Variants in PTPRM observed in about 807,000 individuals in gnomAD.
The protein encoded by PTPRM is protein tyrosine phosphatase receptor type M.
A neutral mutation model predicts 186.7 loss-of-function variants in PTPRM; 47 were observed. That is an observed-to-expected ratio of 0.25 (90% CI 0.20 to 0.32). The LOEUF (loss-of-function observed/expected upper bound fraction) is 0.32, where lower values mean the gene tolerates loss of function less well. Ranked by LOEUF, PTPRM falls within the 10% of genes least tolerant of loss-of-function variation. The probability of loss-of-function intolerance (pLI) is 1.00; values close to 1 mark genes in which losing one functional copy is unlikely to be tolerated. For synonymous variants in PTPRM, 668 were observed against 674.9 expected (o/e 0.99, Z 0.16); for missense variants, 1,494 against 1,865.0 (o/e 0.80, Z 3.66).
intron 2 of PTPRM, among the ~76,000 whole-genome samples, chr18:7,782,845 A>G (rs1336566060): frequency 1.3e-5 from 2 of 152,214 alleles, no homozygotes; most frequent in Admixed American, 1.3e-4. Context: ...GTCAGCCACT[A>G]TATTATGTAT....
chr18:7,813,394 A>G (rs969259757), intron 2 of PTPRM, among the ~76,000 whole-genome samples: 1 of 152,222 alleles, frequency 6.6e-6, no homozygotes, highest in African/African-American at 2.4e-5. Flanking sequence ...GACAGAGTGC[A>G]TCATTTATTT....
intron 1 of PTPRM, among the ~76,000 whole-genome samples, chr18:7,745,878 T>A (rs2040975042): frequency 6.6e-6 from 1 of 152,186 alleles, no homozygotes. Flanking sequence ...GCTAAAATTT[T>A]AAAATGATTT....
intron 1 of PTPRM, among the ~76,000 whole-genome samples, chr18:7,737,690 G>A (rs879476084): frequency 2.0e-5 from 3 of 152,188 alleles, no homozygotes; most frequent in Non-Finnish European, 2.9e-5. Flanking sequence ...CTGGTCTCCT[G>A]GCCTGTCTAT....
chr18:7,977,180 C>G (rs928855705), intron 7 of PTPRM, among the ~76,000 whole-genome samples: 4 of 152,070 alleles, frequency 2.6e-5, no homozygotes, highest in Admixed American at 2.6e-4. Context: ...ACCTCCACCT[C>G]CTGGGATCAA....
At chr18:8,193,841 T>C (rs1391960191) in intron 14 of PTPRM, among the ~76,000 whole-genome samples, 1 of 152,262 alleles carries the variant, frequency 6.6e-6, no homozygotes, top group Non-Finnish European at 1.5e-5. Flanking sequence ...TATGTGTCGC[T>C]GAACCTTGGC....
intron 5 of PTPRM, among the ~76,000 whole-genome samples, chr18:7,935,856 T>A (rs111384725): frequency 6.2e-4 from 95 of 152,240 alleles, no homozygotes; most frequent in African/African-American, 2.2e-3. Flanking sequence ...TGTCTGAAAT[T>A]GGGCTTTTAA....
intron 7 of PTPRM, among the ~76,000 whole-genome samples, chr18:8,025,477 T>C (rs1344884670): frequency 1.2e-4 from 18 of 152,220 alleles, no homozygotes; most frequent in Non-Finnish European, 2.6e-4. Flanking sequence ...AGTTTCTTCT[T>C]TGTGTTACTC....
intron 1 of PTPRM, among the ~76,000 whole-genome samples, chr18:7,721,328 T>C (rs2040443487): frequency 6.6e-6 from 1 of 152,088 alleles, no homozygotes; most frequent in African/African-American, 2.4e-5. Flanking sequence ...GATTTTTTGT[T>C]ATTGTTGATT....
intron 2 of PTPRM, among the ~76,000 whole-genome samples, chr18:7,789,761 G>A (rs1040623410): frequency 4.6e-5 from 7 of 152,110 alleles, no homozygotes; most frequent in Non-Finnish European, 7.4e-5. Context: ...GGTTGCCTTC[G>A]CTGAGAGACC....
chr18:8,281,431 A>T lies in PTPRM; in HGVS notation c.2755-14937A>T, dbSNP rs147637357. Among the ~76,000 whole-genome samples the T allele has an allele frequency of 1.8e-4, 27 of 152,278 alleles. 1 individual carries two copies. The highest frequency in any genetic ancestry group is 6.5e-4 in the African/African-American group (27 of 41,544). On this transcript the variant is annotated intron_variant, in intron 19 of 32. Transcript: ENST00000580170. ...TTAGGGACTCCAAAATCACTTAAGC[A>T]TGGCCCTTCTACAGCAACAAAAATC...
intron 14 of PTPRM, among the ~76,000 whole-genome samples, chr18:8,225,267 A>C (rs1466353039): frequency 6.6e-6 from 1 of 152,232 alleles, no homozygotes; most frequent in Non-Finnish European, 1.5e-5. Flanking sequence ...TAAGATGACC[A>C]GTAGTGTCAT....
intron 5 of PTPRM, among the ~76,000 whole-genome samples, chr18:7,946,070 C>G (rs1309300923): frequency 6.6e-6 from 1 of 152,192 alleles, no homozygotes; most frequent in Non-Finnish European, 1.5e-5. Flanking sequence ...CGCAGGGCTC[C>G]TAGTCCGAGG....
chr18:7,917,457 A>G (rs2050625498), intron 4 of PTPRM, among the ~76,000 whole-genome samples: 1 of 152,106 alleles, frequency 6.6e-6, no homozygotes, highest in Non-Finnish European at 1.5e-5. Flanking sequence ...AATGGCGTGA[A>G]CCTGGGAGGC....
chr18:7,806,970 G>C (rs1372020646), intron 2 of PTPRM, among the ~76,000 whole-genome samples: 1 of 152,160 alleles, frequency 6.6e-6, no homozygotes, highest in Non-Finnish European at 1.5e-5. Flanking sequence ...GTGGCCCTCT[G>C]CCTTTCCCAC....
chr18:8,357,684 A>T lies in PTPRM; in HGVS notation c.3055-13206A>T, dbSNP rs151113479. The stretch of plus-strand genomic sequence containing the variant: ...AGGCAACGAAATGGCTATTTTACTC[A>T]AAGTGTTTAATCAATAGAGAATCAT... On this transcript the variant is annotated intron_variant, in intron 23 of 32. Transcript: ENST00000580170. Among the ~76,000 whole-genome samples the T allele has an allele frequency of 2.4e-4, 36 of 152,356 alleles. No individual in the cohort carries two copies. The East Asian group carries it at 6.7e-3, about 29-fold the overall frequency.
intron 2 of PTPRM, among the ~76,000 whole-genome samples, chr18:7,836,052 G>A (rs185601949): frequency 3.4e-4 from 52 of 151,964 alleles, no homozygotes; most frequent in African/African-American, 1.0e-3. Context: ...AATTAATGTC[G>A]TCACTCTTTG....
At chr18:8,104,093 G>T (rs2091413018) in intron 11 of PTPRM, among the ~76,000 whole-genome samples, 1 of 152,110 alleles carries the variant, frequency 6.6e-6, no homozygotes, top group Non-Finnish European at 1.5e-5. Context: ...TAATAATAAT[G>T]AAAAAGTTTG....
rs921855121 is a variant in PTPRM, at chr18:7,966,806, CG to C, written c.1132+11393del. On this transcript the variant is annotated intron_variant, in intron 7 of 32. Transcript: ENST00000580170. ...CCCACACCTGGCTCGGAGGGTCCTA[CG>C]CCCACGGAGTCTCGCTGATTGCCAG... Among the ~76,000 whole-genome samples, 1,188 of 132,612 alleles carry C rather than the reference CG, an allele frequency of 9.0e-3. 35 individuals are homozygous for C. The highest frequency in any genetic ancestry group is 0.029 in the African/African-American group (1,142 of 39,804). The allele number at this position is 132,612 out of a possible 152,430, so 87.0% of individuals were successfully genotyped here.
intron 1 of PTPRM, among the ~76,000 whole-genome samples, chr18:7,751,764 A>T (rs1376521668): frequency 1.3e-5 from 2 of 152,222 alleles, no homozygotes; most frequent in East Asian, 3.9e-4. Flanking sequence ...TACATCTGGT[A>T]TACACTAACT....
Sources: gnomAD v4.1 joint callset for allele counts (sites outside exome capture counted in the v4.1 genomes callset) on GRCh38, gnomAD v4.1.1 for gene constraint, MANE v1.5 for transcripts, NCBI Gene and HGNC (gene_info 2026-07-23, HGNC 2026-07-21) for gene names.